FBXW7: variants seen among roughly 807,000 people sequenced by gnomAD.
FBXW7 encodes the protein F-box and WD repeat domain containing 7.
Under a neutral mutation model 86.3 loss-of-function variants are expected in FBXW7, and 11 were observed. The observed-to-expected ratio is 0.13, with a 90% confidence interval of 0.08 to 0.21. The LOEUF is 0.21. FBXW7 is among the 10% of genes least tolerant of loss of function. FBXW7 has a pLI of 1.00. For missense variants in FBXW7, 488 were observed against 847.4 expected (o/e 0.58, Z 5.27); for synonymous variants, 313 against 297.9 (o/e 1.05, Z -0.52).
intron 7 of FBXW7, among the ~76,000 whole-genome samples, chr4:152,337,289 G>A (rs1407543760): frequency 1.3e-5 from 2 of 151,836 alleles, no homozygotes; most frequent in African/African-American, 4.8e-5. Context: ...ATATACACAT[G>A]TGAAATTATA....
intron 4 of FBXW7, among the ~76,000 whole-genome samples, chr4:152,377,547 T>TTC (rs1167005377): frequency 6.7e-6 from 1 of 149,510 alleles, no homozygotes; most frequent in African/African-American, 2.5e-5. Context: ...CGGTCAGGAG[T>TTC]TCGAGACCAG....
intron 4 of FBXW7, among the ~76,000 whole-genome samples, chr4:152,373,820 G>A (rs930714212): frequency 2.6e-5 from 4 of 151,984 alleles, no homozygotes; most frequent in Admixed American, 6.6e-5. Flanking sequence ...ATTTGTGCAT[G>A]GGCATGGGGG....
At chr4:152,424,961 T>C (rs1419328925) in intron 2 of FBXW7, among the ~76,000 whole-genome samples, 1 of 152,216 alleles carries the variant, frequency 6.6e-6, no homozygotes, top group Admixed American at 6.5e-5. Context: ...ATGAAACACT[T>C]AGGAGTCTTG....
intron 4 of FBXW7, among the ~76,000 whole-genome samples, chr4:152,383,074 C>G (rs1170272508): frequency 6.6e-6 from 1 of 152,038 alleles, no homozygotes; most frequent in Admixed American, 6.6e-5. Flanking sequence ...ATCTTTGTAC[C>G]AGAGTTTTCA....
At chr4:152,531,558 A>G (rs1004016567) in intron 2 of FBXW7, among the ~76,000 whole-genome samples, 6 of 151,870 alleles carry the variant, frequency 4.0e-5, no homozygotes, top group Non-Finnish European at 8.8e-5. Flanking sequence ...TTTTTTTAAT[A>G]AAAAGTTTAA....
intron 4 of FBXW7, among the ~76,000 whole-genome samples, chr4:152,371,990 G>T (rs910064933): frequency 2.0e-5 from 3 of 151,844 alleles, no homozygotes; most frequent in Non-Finnish European, 4.4e-5. Context: ...TATATCAGCA[G>T]ATTAAAATTA....
intron 2 of FBXW7, among the ~76,000 whole-genome samples, chr4:152,414,148 G>A (rs887163989): frequency 6.6e-6 from 1 of 152,036 alleles, no homozygotes; most frequent in African/African-American, 2.4e-5. Flanking sequence ...CATTAGCATC[G>A]AACTCATGGT....
At chr4:152,367,550 T>C (rs951672046) in intron 4 of FBXW7, among the ~76,000 whole-genome samples, 5 of 152,142 alleles carry the variant, frequency 3.3e-5, no homozygotes, top group African/African-American at 9.6e-5. Flanking sequence ...ATTTTAATTA[T>C]ACTTCATTCA....
At chr4:152,430,479 CAGA>C (rs1739785835) in intron 2 of FBXW7, among the ~76,000 whole-genome samples, 2 of 149,282 alleles carry the variant, frequency 1.3e-5, no homozygotes, top group African/African-American at 2.5e-5. Context: ...TTTGTACATA[CAGA>C]AGGTCTTTAT....
chr4:152,461,189 G>A (rs1022848172), intron 2 of FBXW7, among the ~76,000 whole-genome samples: 3 of 152,132 alleles, frequency 2.0e-5, no homozygotes, highest in African/African-American at 7.2e-5. Context: ...GGAGGCGGAG[G>A]TTGTGGTGAG....
chr4:152,396,938 T>G (rs563090958), intron 4 of FBXW7, among the ~76,000 whole-genome samples: 75 of 152,098 alleles, frequency 4.9e-4, no homozygotes, highest in African/African-American at 1.7e-3. Context: ...AATTTAGAAC[T>G]AAAGATCAAA....
At chr4:152,435,305 A>T (rs1740286889) in intron 2 of FBXW7, among the ~76,000 whole-genome samples, 1 of 152,180 alleles carries the variant, frequency 6.6e-6, no homozygotes, top group South Asian at 2.1e-4. Context: ...CATTCCTTTA[A>T]CAACTTTGAA....
intron 4 of FBXW7, among the ~76,000 whole-genome samples, chr4:152,379,470 A>T (rs896725565): frequency 2.6e-5 from 4 of 152,178 alleles, no homozygotes; most frequent in African/African-American, 9.7e-5. Flanking sequence ...AAACACAAAC[A>T]AATTATGAGG....
intron 2 of FBXW7, among the ~76,000 whole-genome samples, chr4:152,413,627 A>G (rs185875488): frequency 8.8e-4 from 134 of 152,222 alleles, no homozygotes; most frequent in African/African-American, 2.9e-3. Flanking sequence ...TCTAACACTG[A>G]TACTGCCTTC....
chr4:152,324,494 G>T, intron 12 of FBXW7, 100 bp from the exon 13 acceptor site: 1 of 921,784 alleles, frequency 1.1e-6, no homozygotes, highest in Non-Finnish European at 1.7e-6. Context: ...ATGGGAAACA[G>T]GTAATGCCAG....
chr4:152,531,770 G>A (rs1172776359), intron 2 of FBXW7, among the ~76,000 whole-genome samples: 2 of 151,294 alleles, frequency 1.3e-5, no homozygotes, highest in South Asian at 2.1e-4. Context: ...ATGAATTTGA[G>A]GAAACAAATC....
intron 4 of FBXW7, among the ~76,000 whole-genome samples, chr4:152,364,797 G>C (rs1482459641): frequency 2.0e-5 from 3 of 152,018 alleles, no homozygotes; most frequent in Non-Finnish European, 4.4e-5. Flanking sequence ...TGAAACATAT[G>C]TATCTCTGTG....
chr4:152,383,317 G>C (rs1735254019), intron 4 of FBXW7, among the ~76,000 whole-genome samples: 1 of 152,122 alleles, frequency 6.6e-6, no homozygotes, highest in South Asian at 2.1e-4. Context: ...AGGGAATGCA[G>C]TGTGCCGTTT....
intron 2 of FBXW7, among the ~76,000 whole-genome samples, chr4:152,520,406 G>A (rs1748904940): frequency 6.8e-6 from 1 of 147,778 alleles, no homozygotes; most frequent in Non-Finnish European, 1.5e-5. Flanking sequence ...GCAGTCCGCA[G>A]TCCGGCCTGG....
Sources: gnomAD v4.1 joint callset for allele counts (sites outside exome capture counted in the v4.1 genomes callset) on GRCh38, gnomAD v4.1.1 for gene constraint, MANE v1.5 for transcripts, NCBI Gene and HGNC (gene_info 2026-07-23, HGNC 2026-07-21) for gene names.